The following CLYBL variants were observed in gnomAD, a reference collection of about 807,000 sequenced individuals.
CLYBL encodes the protein citramalyl-CoA lyase, also known as citramalyl-CoA lyase, mitochondrial.
A neutral mutation model predicts 38.9 loss-of-function variants in CLYBL; 31 were observed. The ratio of observed to expected loss-of-function variants is 0.80; its 90% CI spans 0.60 to 1.08. The LOEUF is 1.08. Among genes scored for constraint, CLYBL ranks in the 50% least tolerant of loss-of-function variants. The pLI, the probability that CLYBL is intolerant of heterozygous loss-of-function variation, is 0.00. For synonymous variants in CLYBL, 171 were observed against 158.6 expected (o/e 1.08, Z -0.59); for missense variants, 434 against 411.6 (o/e 1.05, Z -0.47).
intron 1 of CLYBL, among the ~76,000 whole-genome samples, chr13:99,641,494 C>G (rs994215613): frequency 2.4e-4 from 36 of 152,014 alleles, no homozygotes; most frequent in African/African-American, 8.0e-4. Flanking sequence ...ACAGTGAAAC[C>G]CCGTCTCTAC....
At chr13:99,819,454 ATATATATAT>A (rs2050538948) in intron 2 of CLYBL, among the ~76,000 whole-genome samples, 2 of 69,248 alleles carry the variant, frequency 2.9e-5, no homozygotes, top group African/African-American at 1.3e-4. Context: ...ATATATATAT[ATATATATAT>A]ATATAATATT....
At chr13:99,813,081 C>A (rs779023929) in intron 2 of CLYBL, among the ~76,000 whole-genome samples, 8 of 152,110 alleles carry the variant, frequency 5.3e-5, no homozygotes, top group Non-Finnish European at 1.2e-4. Context: ...GTTAGAAACA[C>A]CATGATTTTT....
At position 99,816,859 on chromosome 13, in the gene CLYBL, A is replaced by T. The variant is rs189237822; in HGVS notation, c.250-42002A>T. ...CACATGGACTAAGGCTCCCAAGAAG[A>T]TAAATATGCCAACTGTTTTCTAGTG... On this transcript the variant is annotated intron_variant, in intron 2 of 8. Coordinates refer to ENST00000339105, the MANE Select transcript of CLYBL (RefSeq NM_206808.5). 1.2e-3 allele frequency among the ~76,000 whole-genome samples: 187 copies of T among 152,342 alleles called. No homozygotes were observed. The Middle Eastern group carries it at 0.02, about 17-fold the overall frequency.
rs2048779031 is a variant in CLYBL, at chr13:99,742,797, A to T, written c.63-30027A>T. ...GTTGGATGTTGAAGAGACCCAGCCA[A>T]TATTATTACACATTTCTTTCTTAAG... On this transcript the variant is annotated intron_variant, in intron 1 of 8. Coordinates refer to ENST00000339105, the MANE Select transcript of CLYBL (RefSeq NM_206808.5). Among the ~76,000 whole-genome samples, 3 of 152,324 alleles carry T rather than the reference A, an allele frequency of 2.0e-5. No individual in the cohort carries two copies. The South Asian group carries it at 6.2e-4, about 32-fold the overall frequency.
chr13:99,732,671 TA>T (rs879693293), intron 1 of CLYBL, among the ~76,000 whole-genome samples: 8 of 152,170 alleles, frequency 5.3e-5, no homozygotes, highest in Non-Finnish European at 1.2e-4. Flanking sequence ...GTGTTACAAA[TA>T]TCTTGACAGC....
intron 8 of CLYBL, among the ~76,000 whole-genome samples, chr13:99,903,071 C>T (rs1013755875): frequency 9.2e-5 from 14 of 152,180 alleles, no homozygotes; most frequent in Admixed American, 7.2e-4. Context: ...TGCCACAGAC[C>T]GTCTTCATGA....
chr13:99,613,243 A>C (rs1157903090), intron 1 of CLYBL, among the ~76,000 whole-genome samples: 1 of 152,166 alleles, frequency 6.6e-6, no homozygotes, highest in Non-Finnish European at 1.5e-5. Context: ...GGTAGCAGCC[A>C]AGGAATGTGC....
chr13:99,835,133 TC>T (rs1372650775), intron 2 of CLYBL, among the ~76,000 whole-genome samples: 3 of 152,226 alleles, frequency 2.0e-5, no homozygotes. Context: ...CTGCCACTAC[TC>T]TGTTCTCACC....
chr13:99,905,759 TGTG>T (rs61518571), intron 9 of CLYBL, among the ~76,000 whole-genome samples: 81,023 of 149,186 alleles, frequency 0.54, 22,681 homozygotes, highest in Non-Finnish European at 0.6. Context: ...TTGTTGTTGT[TGTG>T]GTGGTGGTTG....
At chr13:99,636,023 A>C (rs955028873) in intron 1 of CLYBL, among the ~76,000 whole-genome samples, 5 of 152,200 alleles carry the variant, frequency 3.3e-5, no homozygotes, top group African/African-American at 1.2e-4. Context: ...AGCAGTGCTT[A>C]ATGTTTGTAG....
rs1566340196 is a variant in CLYBL at position 99,819,448 on chromosome 13, ATATATATATATATATAT to A, written c.250-39412_250-39396del. On this transcript the variant is annotated intron_variant, in intron 2 of 8. Transcript: ENST00000339105. Reference sequence around the variant, plus strand: ...TATATATATATATATATATATATATATATATATATATATATATATAATATTTGTCAGGGTTGTCTGGG... The same window carrying A: ...TATATATATATATATATATATATATAATAATATTTGTCAGGGTTGTCTGGG... Among the ~76,000 whole-genome samples the A allele has an allele frequency of 9.1e-3, 781 of 86,294 alleles. 52 individuals are homozygous for A. The highest frequency in any genetic ancestry group is 0.075 in the Admixed American group (593 of 7,892). 56.6% of individuals were successfully genotyped at this position (86,294 alleles called of 152,430 possible). A position where few individuals can be genotyped will look rare whatever the true frequency, so the allele number is the denominator to read the frequency against.
intron 2 of CLYBL, among the ~76,000 whole-genome samples, chr13:99,801,022 GTA>G (rs2050125218): frequency 6.6e-6 from 1 of 152,122 alleles, no homozygotes; most frequent in African/African-American, 2.4e-5. Context: ...AGCAGCCCCA[GTA>G]GGGGAAGGAG....
chr13:99,657,371 G>A (rs940726177), intron 1 of CLYBL, among the ~76,000 whole-genome samples: 1 of 152,198 alleles, frequency 6.6e-6, no homozygotes, highest in African/African-American at 2.4e-5. Context: ...AACAAAACTA[G>A]TGGAAAATAC....
At chr13:99,841,342 A>T (rs1039849709) in intron 2 of CLYBL, among the ~76,000 whole-genome samples, 2 of 152,180 alleles carry the variant, frequency 1.3e-5, no homozygotes, top group African/African-American at 4.8e-5. Context: ...AAGGTTCGTG[A>T]CTGAGGTACC....
chr13:99,782,058 T>C (rs2049667696), intron 2 of CLYBL, among the ~76,000 whole-genome samples: 1 of 152,244 alleles, frequency 6.6e-6, no homozygotes, highest in African/African-American at 2.4e-5. Context: ...CTTTATATTA[T>C]CTTACATATT....
chr13:99,811,585 G>A (rs1280269956), intron 2 of CLYBL, among the ~76,000 whole-genome samples: 1 of 152,166 alleles, frequency 6.6e-6, no homozygotes, highest in Non-Finnish European at 1.5e-5. Context: ...AATGGCAGGC[G>A]GGATCAGTTG....
At chr13:99,674,142 C>CTTTTTTTTTTTT (rs1167068936) in intron 1 of CLYBL, among the ~76,000 whole-genome samples, 1 of 51,148 alleles carries the variant, frequency 2.0e-5, no homozygotes, top group African/African-American at 8.8e-5. Flanking sequence ...TACTAGAATT[C>CTTTTTTTTTTTT]TTTTTTTTTT....
chr13:99,859,471 G>A (rs1471540871), intron 3 of CLYBL, among the ~76,000 whole-genome samples: 1 of 152,164 alleles, frequency 6.6e-6, no homozygotes, highest in Non-Finnish European at 1.5e-5. Flanking sequence ...GGCAGGGAGG[G>A]CACATTTGCC....
chr13:99,687,458 T>A (rs2047834573), intron 1 of CLYBL, among the ~76,000 whole-genome samples: 1 of 152,170 alleles, frequency 6.6e-6, no homozygotes, highest in African/African-American at 2.4e-5. Context: ...CCATAGCTAG[T>A]CAGCATCGGA....
Sources: allele counts gnomAD v4.1 joint callset (sites outside exome capture counted in the v4.1 genomes callset), GRCh38; gene constraint gnomAD v4.1.1; transcripts MANE v1.5; gene names NCBI Gene and HGNC (gene_info 2026-07-23, HGNC 2026-07-21).